The following ZC3H12B variants were observed in gnomAD, a reference collection of about 807,000 sequenced individuals.
ZC3H12B encodes the protein probable ribonuclease ZC3H12B.
ZC3H12B carries 7 observed loss-of-function variants against 43.9 expected under a neutral mutation model. That is an observed-to-expected ratio of 0.16 (90% CI 0.09 to 0.30). ZC3H12B has a LOEUF of 0.30. ZC3H12B is among the 10% of genes least tolerant of loss of function. The pLI, the probability that ZC3H12B is intolerant of heterozygous loss-of-function variation, is 1.00. For synonymous variants in ZC3H12B, 222 were observed against 241.7 expected (o/e 0.92, Z 0.76); for missense variants, 475 against 670.2 (o/e 0.71, Z 3.22).
the ZC3H12B span, among the ~76,000 whole-genome samples, chrX:65,110,583 A>T: frequency 1.8e-5 from 2 of 111,210 alleles, no homozygotes; most frequent in African/African-American, 6.5e-5. Flanking sequence ...AGGCATATTT[A>T]TGTGGGTCTA....
intron 3 of ZC3H12B, among the ~76,000 whole-genome samples, chrX:65,445,230 G>C (rs754742687): frequency 9.0e-4 from 101 of 112,151 alleles, no homozygotes; most frequent in African/African-American, 3.1e-3. Context: ...TAGCTCATTT[G>C]GTGAAGTCAT....
chrX:65,048,036 T>G, the ZC3H12B span, among the ~76,000 whole-genome samples: 7 of 111,392 alleles, frequency 6.3e-5, no homozygotes, highest in East Asian at 2.0e-3. Flanking sequence ...CTTTGTATCT[T>G]GCATGATTAA....
chrX:65,124,598 C>G, the ZC3H12B span, among the ~76,000 whole-genome samples: 1 of 110,525 alleles, frequency 9.0e-6, no homozygotes, highest in East Asian at 2.9e-4. Flanking sequence ...GAATTCAGCT[C>G]TGAATTTGTC....
Position 65,369,371 on chromosome X carries a change from TA to T in ZC3H12B, n.295+379del, listed in dbSNP as rs1461206354. On this transcript the variant is annotated intron_variant and non_coding_transcript_variant, in intron 2 of 5. Coordinates refer to the ZC3H12B transcript ENST00000617377. The stretch of plus-strand genomic sequence containing the variant: ...GTATTATCATCTCCATTTTACAAAT[TA>T]AAAAACTATCTTAAGCAGGTTATTT... Among the ~76,000 whole-genome samples, 5 of 111,930 alleles carry T rather than the reference TA, an allele frequency of 4.5e-5. No homozygotes were observed. The East Asian group carries it at 1.4e-3, about 31-fold the overall frequency.
At chrX:65,300,887 A>G in the ZC3H12B span, among the ~76,000 whole-genome samples, 1 of 111,345 alleles carries the variant, frequency 9.0e-6, no homozygotes, top group African/African-American at 3.3e-5. Context: ...TCAACAGAGT[A>G]AACAGACAAC....
chrX:65,142,510 C>T, the ZC3H12B span, among the ~76,000 whole-genome samples: 6 of 111,983 alleles, frequency 5.4e-5, no homozygotes, highest in Non-Finnish European at 1.1e-4. Flanking sequence ...TTAACTAATT[C>T]CCAGCAATTT....
chrX:65,129,717 AATAAC>A, the ZC3H12B span, among the ~76,000 whole-genome samples: 1 of 111,037 alleles, frequency 9.0e-6, no homozygotes, highest in African/African-American at 3.3e-5. Context: ...TAATAAGAAA[AATAAC>A]ATAAAATAGT....
chrX:65,323,449 T>A, the ZC3H12B span, among the ~76,000 whole-genome samples: 2 of 111,676 alleles, frequency 1.8e-5, no homozygotes, highest in Non-Finnish European at 3.8e-5. Flanking sequence ...TGGTGTTTGG[T>A]TTTCTGATCC....
At chrX:65,086,716 G>T in the ZC3H12B span, among the ~76,000 whole-genome samples, 1 of 112,351 alleles carries the variant, frequency 8.9e-6, no homozygotes, top group Non-Finnish European at 1.9e-5. Context: ...CACTGAATTT[G>T]TGGGTGCCTT....
At chrX:65,387,779 T>C (rs1437498569) in intron 2 of ZC3H12B, among the ~76,000 whole-genome samples, 1 of 112,806 alleles carries the variant, frequency 8.9e-6, no homozygotes, top group Non-Finnish European at 1.9e-5. Flanking sequence ...TGGCTGGTAC[T>C]GGTTGTTCCT....
chrX:65,405,360 C>T (rs2066809505), intron 3 of ZC3H12B, among the ~76,000 whole-genome samples: 1 of 112,698 alleles, frequency 8.9e-6, no homozygotes, highest in African/African-American at 3.2e-5. Flanking sequence ...TGGCTCACGC[C>T]TGTAGTCCCA....
At chrX:65,052,462 C>T in the ZC3H12B span, among the ~76,000 whole-genome samples, 1 of 110,573 alleles carries the variant, frequency 9.0e-6, no homozygotes, top group Admixed American at 9.7e-5. Flanking sequence ...CCACCTCCCC[C>T]CAGAACCCTA....
the ZC3H12B span, among the ~76,000 whole-genome samples, chrX:65,062,193 G>A: frequency 8.9e-6 from 1 of 112,243 alleles, no homozygotes; most frequent in African/African-American, 3.2e-5. Flanking sequence ...TTTGGCTTTT[G>A]TTGCCATTGC....
chrX:65,161,566 C>T, the ZC3H12B span, among the ~76,000 whole-genome samples: 3 of 111,567 alleles, frequency 2.7e-5, no homozygotes, highest in Admixed American at 1.9e-4. Flanking sequence ...TCTGTTTTAT[C>T]AGAGACTAGG....
chrX:65,238,914 T>A, the ZC3H12B span, among the ~76,000 whole-genome samples: 2 of 112,226 alleles, frequency 1.8e-5, no homozygotes, highest in Admixed American at 9.5e-5. Context: ...TTCTTGATCT[T>A]GAGGTCTAAT....
the ZC3H12B span, among the ~76,000 whole-genome samples, chrX:65,149,813 AAT>A: frequency 3.1e-4 from 29 of 94,444 alleles, no homozygotes; most frequent in Non-Finnish European, 4.9e-4. Context: ...TAATAATAAT[AAT>A]AAATAAAAGT....
the ZC3H12B span, among the ~76,000 whole-genome samples, chrX:65,060,450 G>A: frequency 8.9e-6 from 1 of 111,990 alleles, no homozygotes; most frequent in Non-Finnish European, 1.9e-5. Flanking sequence ...CATATCAATT[G>A]AAATGGTCAT....
At chrX:65,073,158 G>A in the ZC3H12B span, among the ~76,000 whole-genome samples, 1 of 112,069 alleles carries the variant, frequency 8.9e-6, no homozygotes, top group Non-Finnish European at 1.9e-5. Context: ...CAATCACACT[G>A]GCAGCAGTGG....
At chrX:65,460,834 G>A (rs1231577842) in intron 3 of ZC3H12B, among the ~76,000 whole-genome samples, 1 of 111,379 alleles carries the variant, frequency 9.0e-6, no homozygotes, top group Non-Finnish European at 1.9e-5. Flanking sequence ...AAAAGCAATG[G>A]CAACACAAGC....
Sources: allele counts gnomAD v4.1 joint callset (sites outside exome capture counted in the v4.1 genomes callset), GRCh38; gene constraint gnomAD v4.1.1; transcripts MANE v1.5; gene names NCBI Gene and HGNC (gene_info 2026-07-23, HGNC 2026-07-21).